ESF1: variants seen among roughly 807,000 people sequenced by gnomAD.
ESF1 encodes the protein ESF1 nucleolar pre-rRNA processing protein, also known as ESF1 homolog.
Under a neutral mutation model 92.0 loss-of-function variants are expected in ESF1, and 58 were observed. That is an observed-to-expected ratio of 0.63 (90% confidence interval 0.51 to 0.78). ESF1 has a LOEUF of 0.78. Among genes scored for constraint, ESF1 ranks in the 30% least tolerant of loss-of-function variants. The pLI is 0.00. For synonymous variants in ESF1, 321 were observed against 313.7 expected, an observed-to-expected ratio of 1.02 and a Z score of -0.24; for missense variants, 922 against 989.1, an observed-to-expected ratio of 0.93 and a Z score of 0.91.
intron 2 of ESF1, among the ~76,000 whole-genome samples, chr20:13,781,380 A>G (rs1320915111): frequency 6.6e-6 from 1 of 152,176 alleles, no homozygotes; most frequent in Non-Finnish European, 1.5e-5. Context: ...CATAAAATAT[A>G]TTATTTAAAA....
At chr20:13,750,498 C>G (rs1052346106) in intron 9 of ESF1, among the ~76,000 whole-genome samples, 4 of 152,098 alleles carry the variant, frequency 2.6e-5, no homozygotes, top group African/African-American at 9.7e-5. Flanking sequence ...GAGCGAGACT[C>G]CCTCTCGAAA....
At chr20:13,755,054 T>C (rs4814257) in intron 9 of ESF1, among the ~76,000 whole-genome samples, 148,402 of 152,336 alleles carry the variant, frequency 0.97, 72,394 homozygotes, top group East Asian at 1. Context: ...ATATCTGTCA[T>C]CTGTTTAGTT....
At chr20:13,772,743 C>G (rs1979748949) in intron 4 of ESF1, 128 bp from the exon 5 acceptor site, 1 of 622,734 alleles carries the variant, frequency 1.6e-6, no homozygotes, top group Non-Finnish European at 2.8e-6. Context: ...GACTCACTTC[C>G]AAATCCACTA....
At chr20:13,731,251 T>TGTG (rs1237765262) in intron 10 of ESF1, among the ~76,000 whole-genome samples, 1 of 152,092 alleles carries the variant, frequency 6.6e-6, no homozygotes, top group African/African-American at 2.4e-5. Context: ...GCTTAACACT[T>TGTG]GTGGAGTTAT....
chr20:13,754,142 T>G (rs910655475), intron 9 of ESF1, among the ~76,000 whole-genome samples: 2 of 152,220 alleles, frequency 1.3e-5, no homozygotes, highest in Non-Finnish European at 2.9e-5. Context: ...CAAACCATAC[T>G]ACTTTCATCC....
chr20:13,750,460 GC>G (rs1202521325), intron 9 of ESF1, among the ~76,000 whole-genome samples: 1 of 152,062 alleles, frequency 6.6e-6, no homozygotes, highest in Non-Finnish European at 1.5e-5. Flanking sequence ...AGCCAAGACA[GC>G]CCCACTGCAC....
At chr20:13,753,361 C>T (rs1414382440) in intron 9 of ESF1, among the ~76,000 whole-genome samples, 5 of 150,762 alleles carry the variant, frequency 3.3e-5, no homozygotes, top group Non-Finnish European at 5.9e-5. Context: ...ACTGTCCCTG[C>T]GACTCACTGC....
chr20:13,781,202 T>C (rs1157638777), intron 2 of ESF1, among the ~76,000 whole-genome samples: 1 of 152,218 alleles, frequency 6.6e-6, no homozygotes, highest in African/African-American at 2.4e-5. Flanking sequence ...TTGTCCAATA[T>C]GGTAGCCAGT....
At chr20:13,770,767 A>G (rs1979647905) in intron 6 of ESF1, among the ~76,000 whole-genome samples, 1 of 152,232 alleles carries the variant, frequency 6.6e-6, no homozygotes, top group Non-Finnish European at 1.5e-5. Flanking sequence ...GAGTCTTACA[A>G]TTTCCTAATT....
rs536791981 is a variant in ESF1, at chr20:13,725,903, T to C, written c.2038+2475A>G. On this transcript the variant is annotated intron_variant, in intron 11 of 13. Coordinates refer to ENST00000617257, the MANE Select transcript of ESF1 (RefSeq NM_001276380.2). ...TTATACCACAAATGGACGTATTTACTTTGCTTCCCACTCAAACTTATTGTT... is the reference window on the plus strand; with the variant it reads ...TTATACCACAAATGGACGTATTTACCTTGCTTCCCACTCAAACTTATTGTT... Among the ~76,000 whole-genome samples the C allele has an allele frequency of 1.9e-4, 29 of 152,330 alleles. No homozygotes were observed. The South Asian group carries it at 5.8e-3, about 30-fold the overall frequency.
rs1418834359 is a variant in ESF1, at chr20:13,766,735, AAG to A, written c.1666+40_1666+41del. 3 of 1,599,802 alleles carry A rather than the reference AAG, an allele frequency of 1.9e-6. No homozygotes were observed. The African/African-American group carries it at 4.0e-5, about 22-fold the overall frequency. ...GGCTTTCCCTGTAAAGCTACTGCCA[AAG>A]ACCTATGTCCATTAATGGTCACTGA... On this transcript the variant is annotated intron_variant, in intron 8 of 13. Coordinates refer to ENST00000617257, the MANE Select transcript of ESF1 (RefSeq NM_001276380.2).
Position 13,775,408 on chromosome 20 carries a change from A to G in ESF1, c.1036-138T>C, listed in dbSNP as rs1014179059. ...TACAGGAGTTATCTAAGCGTAATTC[A>G]GTATATAAAAGAGAACTTCAAATGA... On this transcript the variant is annotated intron_variant, in intron 3 of 13. Coordinates refer to ENST00000617257, the MANE Select transcript of ESF1 (RefSeq NM_001276380.2). The G allele has an allele frequency of 3.3e-5, 17 of 517,016 alleles. No homozygotes were observed. The African/African-American group carries it at 3.4e-4, about 10-fold the overall frequency. The allele number at this position is 517,016 out of a possible 1,614,324, so 32.0% of individuals were successfully genotyped here.
At chr20:13,719,442 C>T (rs775711667) in intron 11 of ESF1, among the ~76,000 whole-genome samples, 5 of 152,002 alleles carry the variant, frequency 3.3e-5, no homozygotes, top group Middle Eastern at 3.4e-3. Flanking sequence ...AGTGTATTAA[C>T]GTGTACTGAA....
At chr20:13,752,290 A>T (rs772309534) in intron 9 of ESF1, among the ~76,000 whole-genome samples, 27 of 152,188 alleles carry the variant, frequency 1.8e-4, no homozygotes, top group Non-Finnish European at 3.5e-4. Flanking sequence ...TAGGTTTTAA[A>T]ATTTTAGCCA....
intron 9 of ESF1, among the ~76,000 whole-genome samples, chr20:13,735,762 G>C (rs1215715495): frequency 1.3e-5 from 2 of 151,972 alleles, no homozygotes; most frequent in Non-Finnish European, 2.9e-5. Context: ...AACTAATATA[G>C]AAATTTTTTC....
rs1979612318 is a variant in ESF1, at chr20:13,770,016, A to G, written c.1409T>C (p.Ile470Thr). 1 of 1,595,226 alleles carries G rather than the reference A, an allele frequency of 6.3e-7. No individual in the cohort carries two copies. Among genetic ancestry groups the G allele is most frequent in the Middle Eastern group, 2.0e-4 (1 of 4,978 alleles). ...ATCATCAAAAGTAATATCATCTGGTATAAACCTAAGAAGTAAAGAAAAAAA... is the reference window on the plus strand; with the variant it reads ...ATCATCAAAAGTAATATCATCTGGTGTAAACCTAAGAAGTAAAGAAAAAAA... Reference protein sequence around the residue: ...SSCSFIDLRFIPDDITFDDEP... With the variant: ...SSCSFIDLRFTPDDITFDDEP... The change falls in exon 7 of 14, where the codon ATA becomes ACA. Residue 470 changes from isoleucine to threonine, a missense_variant. Physicochemically the swap from Ile to Thr is moderately conservative, Grantham distance 89. Transcript: ENST00000617257.
chr20:13,766,872 C>G lies in ESF1; in HGVS notation c.1571G>C (p.Arg524Thr), dbSNP rs769486130. 1 of 1,613,782 alleles carries G rather than the reference C, an allele frequency of 6.2e-7. No homozygotes were observed. Among genetic ancestry groups the G allele is most frequent in the Admixed American group, 1.7e-5 (1 of 60,020 alleles). The change falls in exon 8 of 14, where the codon AGG becomes ACG. Residue 524 changes from arginine to threonine, a missense_variant. Arg to Thr is a moderately conservative substitution (Grantham distance 71). Transcript: ENST00000617257. The part of the protein sequence containing the change: ...TDHERITMLN[R>T]KFKKEELLDM... The stretch of plus-strand genomic sequence containing the variant: ...CAAAAGCTCTTCCTTTTTAAACTTC[C>G]TGTTGAGCATTGTAATTCTTTCATG...
chr20:13,759,665 A>T, intron 9 of ESF1, 27 bp downstream of exon 9: 1 of 1,565,568 alleles, frequency 6.4e-7, no homozygotes, highest in Non-Finnish European at 8.6e-7. Context: ...TTCGAAAAAG[A>T]GAAAACATTT....
intron 9 of ESF1, among the ~76,000 whole-genome samples, chr20:13,755,287 C>T (rs1375731006): frequency 6.6e-6 from 1 of 152,090 alleles, no homozygotes; most frequent in Non-Finnish European, 1.5e-5. Flanking sequence ...AGGACTTTTA[C>T]CATAATCAAA....
Sources: allele counts gnomAD v4.1 joint callset (sites outside exome capture counted in the v4.1 genomes callset), GRCh38; gene constraint gnomAD v4.1.1; transcripts MANE v1.5; gene names NCBI Gene and HGNC (gene_info 2026-07-23, HGNC 2026-07-21).